EYS: variants seen among roughly 807,000 people sequenced by gnomAD.
The protein encoded by EYS is protein eyes shut homolog.
In EYS, 250 loss-of-function variants were observed where a neutral mutation model predicts 282.1. The ratio of observed to expected loss-of-function variants is 0.89; its 90% confidence interval spans 0.80 to 0.98. The LOEUF is 0.98. Ranked by LOEUF, EYS falls within the 50% of genes least tolerant of loss-of-function variation. The pLI is 0.00. For missense variants in EYS, 4,016 were observed against 3,709.0 expected (o/e 1.08, Z -2.15); for synonymous variants, 1,355 against 1,282.9 (o/e 1.06, Z -1.20).
intron 29 of EYS, among the ~76,000 whole-genome samples, chr6:64,374,152 G>A (rs985255880): frequency 6.8e-6 from 1 of 146,914 alleles, no homozygotes; most frequent in African/African-American, 2.5e-5. Context: ...CTGAAAGCTG[G>A]TGCCAAATTC....
Position 64,301,286 on chromosome 6 carries a change from C to A in EYS, c.6191+5684G>T, listed in dbSNP as rs193277118. ...ACTGATAGGTTGCAAAATCTCTTTT[C>A]TATCTTAAAGGGCAATTGAGCCCTG... On this transcript the variant is annotated intron_variant, in intron 30 of 42. Transcript: ENST00000503581. 2.6e-3 allele frequency among the ~76,000 whole-genome samples: 403 copies of A among 152,324 alleles called. 2 individuals are homozygous for A. Among genetic ancestry groups the A allele is most frequent in the African/African-American group, 8.9e-3 (371 of 41,568 alleles).
intron 26 of EYS, among the ~76,000 whole-genome samples, chr6:64,535,570 T>C (rs1190100448): frequency 2.7e-5 from 2 of 72,836 alleles, no homozygotes; most frequent in African/African-American, 1.8e-4. Flanking sequence ...AGACTTTGTT[T>C]CTACCAAAAA....
Position 64,439,245 on chromosome 6 carries a change from C to T in EYS, c.5752G>A (p.Gly1918Arg). Reference protein sequence around the residue: ...SLEFQTFSSYGLLLYVKQDSN... With the variant: ...SLEFQTFSSYRLLLYVKQDSN... Reference sequence around the variant, plus strand: ...TCTTGCTTGACATACAGCAGAAGTCCATAGGAGCTGAAGGTCTGAAATTCT... The same window carrying T: ...TCTTGCTTGACATACAGCAGAAGTCTATAGGAGCTGAAGGTCTGAAATTCT... Residue 1918 changes from glycine (G) to arginine (R), a missense_variant, in exon 27 of 43, where the codon GGA becomes AGA. By Grantham distance (125) the Gly-to-Arg change is moderately radical. Transcript: ENST00000503581. The T allele has an allele frequency of 6.6e-7, 1 of 1,512,762 alleles. No homozygotes were observed. Among genetic ancestry groups the T allele is most frequent in the Non-Finnish European group, 8.8e-7 (1 of 1,130,582 alleles). The allele number at this position is 1,512,762 out of a possible 1,614,324, so 93.7% of individuals were successfully genotyped here.
At position 64,437,751 on chromosome 6, in the gene EYS, T is replaced by C. The variant is rs1269177236; in HGVS notation, c.5835+1411A>G. On this transcript the variant is annotated intron_variant, in intron 27 of 42. Transcript: ENST00000503581. ...ATGAAGGCTAGCTTTTTTTTCCTTT[T>C]TTTTTTGGCTCTATCTCCCAGGCAG... 3.3e-5 allele frequency among the ~76,000 whole-genome samples: 5 copies of C among 151,420 alleles called. No homozygotes were observed. The East Asian group carries it at 9.7e-4, about 29-fold the overall frequency.
intron 16 of EYS, among the ~76,000 whole-genome samples, chr6:64,904,661 T>A (rs1767768701): frequency 6.6e-6 from 1 of 152,290 alleles, no homozygotes; most frequent in Non-Finnish European, 1.5e-5. Flanking sequence ...GACACTAAAA[T>A]GATTCTTAGA....
chr6:64,155,457 C>A (rs571989505), intron 31 of EYS, among the ~76,000 whole-genome samples: 1 of 151,816 alleles, frequency 6.6e-6, no homozygotes. Flanking sequence ...ATTTTCAGCA[C>A]CAGGCTCTGT....
At chr6:64,298,576 AAGAT>A (rs538273449) in intron 30 of EYS, among the ~76,000 whole-genome samples, 49 of 152,288 alleles carry the variant, frequency 3.2e-4, no homozygotes, top group Middle Eastern at 6.8e-3. Flanking sequence ...TTCACTATAA[AAGAT>A]AAACTAAACA....
At chr6:65,297,013 C>G (rs971261867) in intron 11 of EYS, among the ~76,000 whole-genome samples, 2 of 151,650 alleles carry the variant, frequency 1.3e-5, no homozygotes, top group African/African-American at 4.8e-5. Flanking sequence ...CACATCTGTT[C>G]AAGGCCTAAT....
At chr6:65,508,405 G>A (rs1766737758) in intron 2 of EYS, among the ~76,000 whole-genome samples, 1 of 152,114 alleles carries the variant, frequency 6.6e-6, no homozygotes, top group Non-Finnish European at 1.5e-5. Context: ...CAGGAGTGGT[G>A]GCTCACACCT....
intron 5 of EYS, among the ~76,000 whole-genome samples, chr6:65,488,761 A>G (rs1197368742): frequency 6.6e-6 from 1 of 152,118 alleles, no homozygotes; most frequent in Admixed American, 6.6e-5. Flanking sequence ...ACAGCATGGT[A>G]CTGGTACCAA....
chr6:64,223,649 T>C (rs181065585), intron 31 of EYS, among the ~76,000 whole-genome samples: 10 of 152,186 alleles, frequency 6.6e-5, no homozygotes, highest in Admixed American at 6.5e-4. Context: ...AAAATGTTAG[T>C]TTCAATAGTG....
At chr6:64,122,712 C>T (rs901820150) in intron 31 of EYS, among the ~76,000 whole-genome samples, 1 of 152,102 alleles carries the variant, frequency 6.6e-6, no homozygotes, top group Non-Finnish European at 1.5e-5. Flanking sequence ...TGTACCTTAT[C>T]ACTGCTAAAC....
chr6:63,967,965 T>G (rs1456318284), intron 35 of EYS, among the ~76,000 whole-genome samples: 1 of 152,050 alleles, frequency 6.6e-6, no homozygotes, highest in Non-Finnish European at 1.5e-5. Flanking sequence ...AGCAGCAGAG[T>G]AAGTTAAAAA....
chr6:64,425,685 C>A lies in EYS; in HGVS notation c.5927+10489G>T, dbSNP rs146261461. On this transcript the variant is annotated intron_variant, in intron 28 of 42. Transcript: ENST00000503581. ...AAAAAAAAAAAAAAAAAAAAGGAAGCTTTGACCAGAATGGTTTCAGAGGTG... is the reference window on the plus strand; with the variant it reads ...AAAAAAAAAAAAAAAAAAAAGGAAGATTTGACCAGAATGGTTTCAGAGGTG... Among the ~76,000 whole-genome samples, 1,046 of 141,996 alleles carry A rather than the reference C, an allele frequency of 7.4e-3. 12 individuals carry two copies. The highest frequency in any genetic ancestry group is 0.026 in the African/African-American group (1,003 of 38,308). 93.2% of individuals were successfully genotyped at this position (141,996 alleles called of 152,430 possible). A position where few individuals can be genotyped will look rare whatever the true frequency, so the allele number is the denominator to read the frequency against.
chr6:64,388,056 A>G (rs1323984459), intron 29 of EYS, among the ~76,000 whole-genome samples: 1 of 152,156 alleles, frequency 6.6e-6, no homozygotes, highest in Non-Finnish European at 1.5e-5. Context: ...AATAAATGTA[A>G]TAAGCTACTG....
chr6:65,096,036 A>G (rs1774730804), intron 12 of EYS, among the ~76,000 whole-genome samples: 1 of 151,088 alleles, frequency 6.6e-6, no homozygotes, highest in African/African-American at 2.4e-5. Flanking sequence ...AGGGTCTCAT[A>G]TGTAGAAAAC....
At chr6:64,352,178 C>T (rs753001818) in intron 29 of EYS, among the ~76,000 whole-genome samples, 10 of 151,396 alleles carry the variant, frequency 6.6e-5, no homozygotes, top group Non-Finnish European at 1.3e-4. Context: ...TCTTTCAATG[C>T]ACACTAAAAT....
chr6:64,323,523 A>T (rs1337309632), intron 29 of EYS, among the ~76,000 whole-genome samples: 1 of 152,012 alleles, frequency 6.6e-6, no homozygotes, highest in East Asian at 1.9e-4. Context: ...ATTTATTTTG[A>T]GAATTATGAG....
intron 12 of EYS, among the ~76,000 whole-genome samples, chr6:65,194,124 C>G (rs1301010316): frequency 6.6e-6 from 1 of 151,818 alleles, no homozygotes; most frequent in African/African-American, 2.4e-5. Context: ...AAAATAAATT[C>G]CTGTTGCAGT....
Sources: gnomAD v4.1 joint callset for allele counts (sites outside exome capture counted in the v4.1 genomes callset) on GRCh38, gnomAD v4.1.1 for gene constraint, MANE v1.5 for transcripts, NCBI Gene and HGNC (gene_info 2026-07-23, HGNC 2026-07-21) for gene names.